FXR1: variants seen among roughly 807,000 people sequenced by gnomAD.
FXR1 encodes the protein FMR1 autosomal homolog 1.
Under a neutral mutation model 84.0 loss-of-function variants are expected in FXR1, and 15 were observed. The observed-to-expected ratio is 0.18, with a 90% CI of 0.12 to 0.27. The LOEUF is 0.27. Among genes scored for constraint, FXR1 ranks in the 10% least tolerant of loss-of-function variants. The pLI is 1.00. For synonymous variants in FXR1, 245 were observed against 250.7 expected, an observed-to-expected ratio of 0.98 and a Z score of 0.21; for missense variants, 480 against 774.4, an observed-to-expected ratio of 0.62 and a Z score of 4.51.
intron 15 of FXR1, among the ~76,000 whole-genome samples, chr3:180,972,746 C>T (rs1365001904): frequency 6.6e-6 from 1 of 152,158 alleles, no homozygotes; most frequent in Non-Finnish European, 1.5e-5. Context: ...CTGTTCCATA[C>T]TACATCTATT....
intron 1 of FXR1, among the ~76,000 whole-genome samples, chr3:180,921,754 A>T (rs562413249): frequency 1.3e-5 from 2 of 152,340 alleles, no homozygotes; most frequent in Middle Eastern, 3.4e-3. Flanking sequence ...TCTAATTCTT[A>T]AAAGTATACG....
chr3:180,964,828 G>GTTAA (rs1452829824), intron 13 of FXR1, among the ~76,000 whole-genome samples: 2 of 151,320 alleles, frequency 1.3e-5, no homozygotes, highest in Non-Finnish European at 2.9e-5. Flanking sequence ...CTTTTTTAAT[G>GTTAA]GCACATAAAA....
intron 9 of FXR1, among the ~76,000 whole-genome samples, chr3:180,956,192 C>T (rs1248251935): frequency 6.6e-6 from 1 of 152,146 alleles, no homozygotes; most frequent in Non-Finnish European, 1.5e-5. Context: ...ACCATTCCCA[C>T]CCCTCCCAAA....
chr3:180,915,309 A>G (rs1717752240), intron 1 of FXR1: 1 of 538,918 alleles, frequency 1.9e-6, no homozygotes, highest in African/African-American at 1.9e-5. Context: ...CAAGATTCAT[A>G]GCCCCCAAAT....
intron 8 of FXR1, among the ~76,000 whole-genome samples, chr3:180,953,559 T>A (rs1722440454): frequency 6.6e-6 from 1 of 152,220 alleles, no homozygotes; most frequent in Non-Finnish European, 1.5e-5. Context: ...TAGTACTGAC[T>A]GATTTGGGGT....
chr3:180,914,201 A>C (rs868249215), intron 1 of FXR1, among the ~76,000 whole-genome samples: 1 of 152,208 alleles, frequency 6.6e-6, no homozygotes, highest in Non-Finnish European at 1.5e-5. Flanking sequence ...CCAATGACCT[A>C]GGTGAAATTT....
chr3:180,933,637 C>T (rs1034600375), intron 2 of FXR1, among the ~76,000 whole-genome samples: 10 of 152,094 alleles, frequency 6.6e-5, no homozygotes, highest in Non-Finnish European at 1.2e-4. Flanking sequence ...ATAGATGGCA[C>T]AAATTAGATG....
At chr3:180,970,988 C>T in intron 15 of FXR1, 7 of 255,300 alleles carry the variant, frequency 2.7e-5, no homozygotes, top group South Asian at 1.6e-4. Context: ...TTTATTTTTC[C>T]CCTTTAAATC....
intron 13 of FXR1, among the ~76,000 whole-genome samples, chr3:180,964,673 T>TTATTTATATA (rs1553777574): frequency 7.3e-6 from 1 of 136,356 alleles, no homozygotes; most frequent in African/African-American, 2.9e-5. Flanking sequence ...TGTAGTTGAT[T>TTATTTATATA]TATATATATA....
intron 13 of FXR1, 45 bp from the exon 14 acceptor site, chr3:180,968,006 C>CT (rs780557720): frequency 1.6e-6 from 2 of 1,252,286 alleles, no homozygotes; most frequent in Non-Finnish European, 2.3e-6. Flanking sequence ...TTTTAAAAGG[C>CT]TTTTTATAGA....
At chr3:180,951,110 C>G (rs769562252) in intron 7 of FXR1, among the ~76,000 whole-genome samples, 188 bp from the exon 8 acceptor site, 2 of 151,764 alleles carry the variant, frequency 1.3e-5, no homozygotes, top group Non-Finnish European at 2.9e-5. Flanking sequence ...GTATTTCCAA[C>G]TATTCAGGAG....
chr3:180,954,872 ATTT>A (rs11328945), intron 9 of FXR1, among the ~76,000 whole-genome samples: 14 of 114,536 alleles, frequency 1.2e-4, no homozygotes, highest in Admixed American at 1.9e-4. Context: ...TTCTAAAAAG[ATTT>A]TTTTTTTTTT....
chr3:180,961,807 ATTTC>A (rs1447975023), intron 11 of FXR1, among the ~76,000 whole-genome samples: 10 of 152,118 alleles, frequency 6.6e-5, no homozygotes, highest in South Asian at 2.1e-4. Context: ...GAGCTTTTAT[ATTTC>A]TTTCTTTCTT....
Position 180,981,454 on chromosome 3 carries a change from TC to T in FXR1, c.*5164del, listed in dbSNP as rs1480988449. The T allele has an allele frequency of 1.3e-5, 2 of 151,994 alleles. No homozygotes were observed. The highest frequency in any genetic ancestry group is 2.1e-4 in the South Asian group (1 of 4,830). 9.4% of individuals were successfully genotyped at this position (151,994 alleles called of 1,614,324 possible). A position where few individuals can be genotyped will look rare whatever the true frequency, so the allele number is the denominator to read the frequency against. On this transcript the variant is annotated 3_prime_UTR_variant, in exon 17 of 17. Coordinates refer to ENST00000357559, the MANE Select transcript of FXR1 (RefSeq NM_005087.4). Reference sequence around the variant, plus strand: ...ACTAAAGGTGGAGAAAGAGTTAACTTCCAGGACAACCCATTATAGCTCACTT... The same window carrying T: ...ACTAAAGGTGGAGAAAGAGTTAACTTCAGGACAACCCATTATAGCTCACTT...
intron 3 of FXR1, among the ~76,000 whole-genome samples, chr3:180,942,092 G>A (rs955268549): frequency 6.6e-6 from 1 of 151,900 alleles, no homozygotes. Flanking sequence ...GAAAGGCATA[G>A]GTTGGGCCAG....
In FXR1 at chr3:180,982,316, C is replaced by T. The variant is rs937888277; in HGVS notation, c.*6024C>T. The T allele has an allele frequency of 5.4e-5, 8 of 147,062 alleles. No homozygotes were observed. Among genetic ancestry groups the T allele is most frequent in the East Asian group, 3.9e-4 (2 of 5,124 alleles). The allele number at this position is 147,062 out of a possible 1,614,324, so 9.1% of individuals were successfully genotyped here. ...AAAAGATAAAAGTTTTTTTATGGAT[C>T]GTATTTGTATCAATCACCTACATGA... On this transcript the variant is annotated 3_prime_UTR_variant, in exon 17 of 17. Transcript: ENST00000357559.
rs572957640 is a variant in FXR1, at chr3:180,962,768, A to T, written c.1078-115A>T. Reference sequence around the variant, plus strand: ...GTTGACTAGGAACACAATGCTCTTTACCATCTAATTGCCTAAGGTCACAGC... The same window carrying T: ...GTTGACTAGGAACACAATGCTCTTTTCCATCTAATTGCCTAAGGTCACAGC... On this transcript the variant is annotated intron_variant, in intron 11 of 16. Transcript: ENST00000357559. The T allele has an allele frequency of 8.7e-6, 6 of 690,394 alleles. 1 individual carries two copies. In the South Asian group the frequency reaches 1.1e-4, roughly 12 times the overall value. The allele number at this position is 690,394 out of a possible 1,614,324, so 42.8% of individuals were successfully genotyped here. A position where few individuals can be genotyped will look rare whatever the true frequency, so the allele number is the denominator to read the frequency against.
intron 10 of FXR1, among the ~76,000 whole-genome samples, chr3:180,958,723 T>C (rs1166533766): frequency 6.6e-6 from 1 of 152,164 alleles, no homozygotes; most frequent in Non-Finnish European, 1.5e-5. Flanking sequence ...TTAACTATTT[T>C]ATAGAATCTG....
intron 9 of FXR1, among the ~76,000 whole-genome samples, chr3:180,955,946 A>G (rs771334395): frequency 2.0e-5 from 3 of 152,194 alleles, no homozygotes; most frequent in Non-Finnish European, 2.9e-5. Flanking sequence ...AGCAGTGACT[A>G]TTACACACTG....
Sources: gnomAD v4.1 joint callset for allele counts (sites outside exome capture counted in the v4.1 genomes callset) on GRCh38, gnomAD v4.1.1 for gene constraint, MANE v1.5 for transcripts, NCBI Gene and HGNC (gene_info 2026-07-23, HGNC 2026-07-21) for gene names.